TRPC3: variants seen among roughly 807,000 people sequenced by gnomAD.
The protein encoded by TRPC3 is short transient receptor potential channel 3.
A neutral mutation model predicts 90.9 loss-of-function variants in TRPC3; 54 were observed. That is an observed-to-expected ratio of 0.59 (90% CI 0.48 to 0.75). The LOEUF (loss-of-function observed/expected upper bound fraction) is 0.75. TRPC3 is among the 30% of genes least tolerant of loss of function. TRPC3 has a pLI of 0.00. For missense variants in TRPC3, 918 were observed against 1,194.5 expected (o/e 0.77, Z 3.41); for synonymous variants, 424 against 450.9 (o/e 0.94, Z 0.75).
intron 10 of TRPC3, among the ~76,000 whole-genome samples, chr4:121,884,808 G>C (rs1728056533): frequency 1.3e-5 from 2 of 152,266 alleles, no homozygotes; most frequent in African/African-American, 4.8e-5. Flanking sequence ...CATTCATTCA[G>C]CAAATATTTA....
At position 121,877,428 on chromosome 4, in the gene TRPC3, GCCCTTTGTGCCCC is replaced by G. The variant is rs993659286; in HGVS notation, c.*2295_*2307del. Among the ~76,000 whole-genome samples, 7 of 152,200 alleles carry G rather than the reference GCCCTTTGTGCCCC, an allele frequency of 4.6e-5. No individual in the cohort carries two copies. The highest frequency in any genetic ancestry group is 1.7e-4 in the African/African-American group (7 of 41,446). On this transcript the variant is annotated 3_prime_UTR_variant, in exon 12 of 12. Transcript: ENST00000379645. ...GGCCCCATCTTGAGACAAGGGGCCA[GCCCTTTGTGCCCC>G]CACCCATCAGTCACTGGCCATGGGG...
chr4:121,879,954 C>T (rs1578590181), intron 11 of TRPC3, 76 bp from the exon 12 acceptor site: 1 of 1,375,420 alleles, frequency 7.3e-7, no homozygotes, highest in Non-Finnish European at 9.6e-7. Context: ...GAAATTCTTA[C>T]AATATCAATG....
At chr4:121,899,425 C>CTTTTATTTTTAATTTTT (rs1728627773) in intron 10 of TRPC3, among the ~76,000 whole-genome samples, 187 bp downstream of exon 10, 1 of 151,994 alleles carries the variant, frequency 6.6e-6, no homozygotes. Flanking sequence ...ATACTATTTT[C>CTTTTATTTTTAATTTTT]TTTTATTTTT....
intron 9 of TRPC3, among the ~76,000 whole-genome samples, chr4:121,900,640 GT>G (rs1728669421): frequency 6.6e-6 from 1 of 152,114 alleles, no homozygotes; most frequent in Admixed American, 6.5e-5. Context: ...ATTTCTTGAG[GT>G]TCCTTCCTCT....
At chr4:121,910,848 A>G (rs567601736) in intron 5 of TRPC3, among the ~76,000 whole-genome samples, 4 of 152,318 alleles carry the variant, frequency 2.6e-5, no homozygotes, top group South Asian at 4.1e-4. Context: ...CAGTTTCCCA[A>G]TGATACTCAT....
chr4:121,916,143 A>G (rs965924459), intron 3 of TRPC3, among the ~76,000 whole-genome samples: 1 of 152,256 alleles, frequency 6.6e-6, no homozygotes, highest in South Asian at 2.1e-4. Flanking sequence ...ACTCCAGGCA[A>G]TTCCTAGAGT....
intron 1 of TRPC3, among the ~76,000 whole-genome samples, chr4:121,937,108 C>G (rs1183725914): frequency 6.6e-6 from 1 of 152,186 alleles, no homozygotes; most frequent in Non-Finnish European, 1.5e-5. Flanking sequence ...CATCTGACCT[C>G]CAACAGGGTT....
chr4:121,941,943 A>C (rs1270757630), intron 1 of TRPC3, among the ~76,000 whole-genome samples: 1 of 152,200 alleles, frequency 6.6e-6, no homozygotes, highest in Non-Finnish European at 1.5e-5. Context: ...GTTAGAGAGT[A>C]CATGGCCACA....
At chr4:121,905,456 C>T (rs1390264554) in intron 7 of TRPC3, among the ~76,000 whole-genome samples, 2 of 152,104 alleles carry the variant, frequency 1.3e-5, no homozygotes, top group African/African-American at 4.8e-5. Flanking sequence ...ATTCTTCCAC[C>T]ACAACAATTA....
intron 5 of TRPC3, among the ~76,000 whole-genome samples, chr4:121,911,369 T>C (rs1729083862): frequency 6.6e-6 from 1 of 152,230 alleles, no homozygotes; most frequent in Admixed American, 6.5e-5. Context: ...TGGGTTATTG[T>C]AAGACGAAAT....
At chr4:121,912,192 A>G in intron 4 of TRPC3, 99 bp from the exon 5 acceptor site, 1 of 1,008,506 alleles carries the variant, frequency 9.9e-7, no homozygotes, top group Non-Finnish European at 1.4e-6. Context: ...AAAGGAGAAC[A>G]CTCAAAATTC....
intron 3 of TRPC3, among the ~76,000 whole-genome samples, chr4:121,919,660 T>C (rs1729435748): frequency 1.3e-5 from 2 of 152,230 alleles, no homozygotes; most frequent in Admixed American, 1.3e-4. Context: ...CCCTGCACAC[T>C]TTTTGCACAG....
rs751764234 is a variant in TRPC3, at chr4:121,874,757, C to T, written c.*4979G>A. On this transcript the variant is annotated 3_prime_UTR_variant, in exon 12 of 12. Transcript: ENST00000379645. ...TAGTTATAGTCTGAGATACTGAAGG[C>T]GAGGACTTTAACATGAGTTTTGAGG... Among the ~76,000 whole-genome samples the T allele has an allele frequency of 1.3e-4, 20 of 152,220 alleles. No homozygotes were observed. Among genetic ancestry groups the T allele is most frequent in the East Asian group, 7.7e-4 (4 of 5,186 alleles).
chr4:121,904,796 A>G (rs910085004), intron 7 of TRPC3, among the ~76,000 whole-genome samples: 1 of 152,178 alleles, frequency 6.6e-6, no homozygotes, highest in Non-Finnish European at 1.5e-5. Flanking sequence ...AAGTCAAGTC[A>G]CAATAACCAT....
intron 3 of TRPC3, among the ~76,000 whole-genome samples, chr4:121,921,471 G>C (rs76203457): frequency 1.0e-4 from 14 of 136,482 alleles, no homozygotes; most frequent in Middle Eastern, 4.5e-3. Flanking sequence ...GCAGTGAGCC[G>C]AGATCGCGCC....
chr4:121,939,767 G>C (rs1435868563), intron 1 of TRPC3, among the ~76,000 whole-genome samples: 1 of 152,168 alleles, frequency 6.6e-6, no homozygotes, highest in Non-Finnish European at 1.5e-5. Context: ...ACTTGAGGGA[G>C]CATATCTGGG....
chr4:121,892,954 C>T (rs150211621), intron 10 of TRPC3, among the ~76,000 whole-genome samples: 5,638 of 151,848 alleles, frequency 0.037, 351 homozygotes, highest in African/African-American at 0.13. Flanking sequence ...AACCCAATCT[C>T]TACTAAAAAT....
At chr4:121,891,838 C>T (rs1728339088) in intron 10 of TRPC3, among the ~76,000 whole-genome samples, 1 of 152,190 alleles carries the variant, frequency 6.6e-6, no homozygotes, top group Admixed American at 6.5e-5. Context: ...CCCTTCTCCA[C>T]AAACTTCTTG....
chr4:121,949,173 G>A (rs1178511453), intron 1 of TRPC3, among the ~76,000 whole-genome samples: 1 of 152,130 alleles, frequency 6.6e-6, no homozygotes, highest in Non-Finnish European at 1.5e-5. Context: ...CATATTACTT[G>A]GTCCTAGGTT....
Sources: allele counts gnomAD v4.1 joint callset (sites outside exome capture counted in the v4.1 genomes callset), GRCh38; gene constraint gnomAD v4.1.1; transcripts MANE v1.5; gene names NCBI Gene and HGNC (gene_info 2026-07-23, HGNC 2026-07-21).